FKBP3: variants seen among roughly 807,000 people sequenced by gnomAD.
FKBP3 encodes FKBP prolyl isomerase 3.
In FKBP3, 21 loss-of-function variants were observed where a neutral mutation model predicts 30.6. The observed-to-expected ratio is 0.69, with a 90% CI of 0.49 to 0.99. FKBP3 has a LOEUF of 0.99. FKBP3 is among the 50% of genes least tolerant of loss of function. The pLI is 0.00. For missense variants in FKBP3, 283 were observed against 261.6 expected, an observed-to-expected ratio of 1.08 and a Z score of -0.56; for synonymous variants, 82 against 91.3, an observed-to-expected ratio of 0.90 and a Z score of 0.58.
intron 4 of FKBP3, among the ~76,000 whole-genome samples, chr14:45,121,179 T>C (rs1250532346): frequency 6.6e-6 from 1 of 152,202 alleles, no homozygotes; most frequent in Non-Finnish European, 1.5e-5. Flanking sequence ...GGGTAGGACC[T>C]ATACTTATAT....
intron 6 of FKBP3, among the ~76,000 whole-genome samples, chr14:45,117,760 T>G (rs923581956): frequency 1.3e-5 from 2 of 152,260 alleles, no homozygotes; most frequent in African/African-American, 2.4e-5. Context: ...AATTGCTGTT[T>G]AAGCTTAAAC....
chr14:45,129,673 G>C (rs528140442), intron 3 of FKBP3, 121 bp downstream of exon 3: 1 of 563,248 alleles, frequency 1.8e-6, no homozygotes, highest in East Asian at 3.1e-5. Context: ...TAAGTGTTTG[G>C]CTCATTGAAA....
chr14:45,127,115 C>CT (rs1231283034), intron 3 of FKBP3, among the ~76,000 whole-genome samples: 4,561 of 120,628 alleles, frequency 0.038, 164 homozygotes, highest in Middle Eastern at 0.054. Flanking sequence ...CTGACCCTGT[C>CT]TTTTTTTTTT....
chr14:45,133,121 GTTC>G (rs1164259924), intron 1 of FKBP3, among the ~76,000 whole-genome samples: 2 of 152,188 alleles, frequency 1.3e-5, no homozygotes, highest in Non-Finnish European at 2.9e-5. Context: ...AAGTTGGAGA[GTTC>G]TTCTATCTCC....
intron 1 of FKBP3, 112 bp from the exon 2 acceptor site, chr14:45,130,912 TGAA>T: frequency 3.5e-6 from 2 of 569,572 alleles, no homozygotes; most frequent in South Asian, 2.4e-5. Context: ...GTACTAGTAC[TGAA>T]GAAGAAATAA....
chr14:45,126,084 T>TC (rs1885089959), intron 3 of FKBP3, among the ~76,000 whole-genome samples: 1 of 151,328 alleles, frequency 6.6e-6, no homozygotes, highest in Non-Finnish European at 1.5e-5. Flanking sequence ...TAGAGACAGG[T>TC]TTCGCCATGT....
In FKBP3 at chr14:45,124,825, T is replaced by C. The variant is rs530165378; in HGVS notation, c.319-3205A>G. ...CATGAAATACGGCTAGAAAAATACG[T>C]AGGACATGTTAGAATCTGGGTTTTT... is the stretch of plus-strand genomic sequence containing the variant. On this transcript the variant is annotated intron_variant, in intron 3 of 6. Transcript: ENST00000396062. Among the ~76,000 whole-genome samples, 4 of 152,260 alleles carry C rather than the reference T, an allele frequency of 2.6e-5. No individual in the cohort carries two copies. The South Asian group carries it at 8.3e-4, about 32-fold the overall frequency.
At chr14:45,129,583 G>A (rs1390938234) in intron 3 of FKBP3, among the ~76,000 whole-genome samples, 1 of 152,174 alleles carries the variant, frequency 6.6e-6, no homozygotes, top group Non-Finnish European at 1.5e-5. Flanking sequence ...GTGTTTCACA[G>A]AATAGGCTAA....
intron 5 of FKBP3, among the ~76,000 whole-genome samples, chr14:45,120,059 T>C (rs1327922212): frequency 6.6e-6 from 1 of 152,222 alleles, no homozygotes; most frequent in African/African-American, 2.4e-5. Context: ...ATTCTGTATA[T>C]GATTGTCTGA....
intron 1 of FKBP3, chr14:45,133,190 A>G (rs1365929200): frequency 1.3e-5 from 2 of 152,778 alleles, no homozygotes; most frequent in Non-Finnish European, 2.9e-5. Flanking sequence ...AAAATAACCC[A>G]GAAATAGTGG....
intron 6 of FKBP3, among the ~76,000 whole-genome samples, chr14:45,116,473 G>A (rs527317295): frequency 1.3e-5 from 2 of 151,140 alleles, no homozygotes; most frequent in Non-Finnish European, 2.9e-5. Flanking sequence ...GCTGGGGGGG[G>A]GTGGAACAAA....
chr14:45,119,477 G>A (rs1884933479), intron 5 of FKBP3, among the ~76,000 whole-genome samples: 2 of 151,944 alleles, frequency 1.3e-5, no homozygotes, highest in African/African-American at 4.8e-5. Flanking sequence ...GCTGAGGCAG[G>A]AGAATCGCTT....
Position 45,116,205 on chromosome 14 carries a change from A to G in FKBP3, c.668T>C (p.Ile223Thr), listed in dbSNP as rs772225856. ...AGCTGAAGCACTGCTATTTCAATCAATATCCACTAATTCCACTTCAAAAGT... is the reference window on the plus strand; with the variant it reads ...AGCTGAAGCACTGCTATTTCAATCAGTATCCACTAATTCCACTTCAAAAGT... ...KLTFEVELVD[I>T]D is the part of the protein sequence containing the mutation. The change falls in exon 7 of 7, where the codon ATT becomes ACT. Residue 223 changes from isoleucine (I) to threonine (T), a missense_variant. Physicochemically the swap from Ile to Thr is moderately conservative, Grantham distance 89. Coordinates refer to ENST00000396062, the MANE Select transcript of FKBP3 (RefSeq NM_002013.4). 6.2e-7 allele frequency: 1 copy of G among 1,610,384 alleles called. No individual in the cohort carries two copies. Among genetic ancestry groups the G allele is most frequent in the Non-Finnish European group, 8.5e-7 (1 of 1,176,756 alleles).
rs777622667 is a variant in FKBP3, at chr14:45,134,444, C to T, written c.13G>A (p.Val5Ile). Residue 5 changes from valine to isoleucine, a missense_variant, in exon 1 of 7, where the codon GTT becomes ATT. Val to Ile is a conservative substitution (Grantham distance 29). Transcript: ENST00000396062. Reference protein sequence around the residue: MAAAVPQRAWTVEQL... With the variant: MAAAIPQRAWTVEQL... ...TCCACGGTCCACGCCCGCTGTGGAA[C>T]GGCCGCCGCCATCTTCCCCCGCTGC... 1.2e-6 allele frequency: 2 copies of T among 1,609,124 alleles called. No individual in the cohort carries two copies. Among genetic ancestry groups the T allele is most frequent in the Admixed American group, 3.4e-5 (2 of 59,384 alleles).
At chr14:45,123,601 CCTTTTTTTTTTTT>C (rs1566705375) in intron 3 of FKBP3, among the ~76,000 whole-genome samples, 1 of 133,010 alleles carries the variant, frequency 7.5e-6, no homozygotes, top group African/African-American at 3.0e-5. Context: ...CCTCTCTACT[CCTTTTTTTTTTTT>C]TTTTTTTTTT....
In FKBP3 at chr14:45,116,032, T is replaced by TA. The variant is rs572150069; in HGVS notation, c.*165dup. ...TTAGACCAGGGATTCATAAGGGATT[T>TA]ATCTCTCAAAAGCTGGGACCAAGTA... On this transcript the variant is annotated 3_prime_UTR_variant, in exon 7 of 7. Transcript: ENST00000396062. 4.6e-4 allele frequency: 264 copies of TA among 569,446 alleles called. 1 individual carries two copies. Among genetic ancestry groups the TA allele is most frequent in the African/African-American group, 4.5e-3 (239 of 53,634 alleles). 35.3% of individuals were successfully genotyped at this position (569,446 alleles called of 1,614,324 possible).
chr14:45,123,865 G>A (rs552109792), intron 3 of FKBP3, among the ~76,000 whole-genome samples: 17 of 151,744 alleles, frequency 1.1e-4, no homozygotes, highest in African/African-American at 3.9e-4. Flanking sequence ...TGATCTGCCC[G>A]CCTCGGCCTC....
intron 5 of FKBP3, among the ~76,000 whole-genome samples, chr14:45,120,006 A>G (rs1445562622): frequency 1.3e-5 from 2 of 152,162 alleles, no homozygotes; most frequent in Non-Finnish European, 2.9e-5. Context: ...GGTAACAATT[A>G]TAAGTTATGC....
At chr14:45,125,630 A>G (rs968556889) in intron 3 of FKBP3, among the ~76,000 whole-genome samples, 1 of 152,176 alleles carries the variant, frequency 6.6e-6, no homozygotes, top group Non-Finnish European at 1.5e-5. Flanking sequence ...ATCCCATAAG[A>G]GCTATTAGAC....
Sources: gnomAD v4.1 joint callset for allele counts (sites outside exome capture counted in the v4.1 genomes callset) on GRCh38, gnomAD v4.1.1 for gene constraint, MANE v1.5 for transcripts, NCBI Gene and HGNC (gene_info 2026-07-23, HGNC 2026-07-21) for gene names.